Variants in EEF2K observed in about 807,000 individuals in gnomAD.
The protein encoded by EEF2K is alternative protein EEF2K.
Under a neutral mutation model 93.8 loss-of-function variants are expected in EEF2K, and 70 were observed. That is an observed-to-expected ratio of 0.75 (90% CI 0.62 to 0.91). The LOEUF is 0.91. EEF2K is among the 40% of genes least tolerant of loss of function. EEF2K has a pLI of 0.00. For synonymous variants in EEF2K, 376 were observed against 380.8 expected (o/e 0.99, Z 0.15); for missense variants, 935 against 972.9 (o/e 0.96, Z 0.52).
chr16:22,257,259 A>ATCC lies in EEF2K; in HGVS notation c.775_776insTCC (p.Ser259delinsIleArg). 6.2e-7 allele frequency: 1 copy of ATCC among 1,614,088 alleles called. No homozygotes were observed. ...TCCTTCCTGTCCCCTGTAGGCCTTC[A>ATCC]GCCACTTCACTTTTGAGCGTTCCGG... On this transcript the variant is annotated protein_altering_variant, in exon 8 of 18. Transcript: ENST00000263026.
chr16:22,270,558 C>T (rs76373973), intron 15 of EEF2K, among the ~76,000 whole-genome samples: 8 of 152,008 alleles, frequency 5.3e-5, no homozygotes, highest in East Asian at 3.9e-4. Flanking sequence ...GCCAGCTCCC[C>T]GATTCTTTTT....
rs1400965090 is a variant in EEF2K at position 22,251,289 on chromosome 16, G to A, written c.585G>A (p.Gly195=). The A allele has an allele frequency of 6.2e-7, 1 of 1,614,028 alleles. No individual in the cohort carries two copies. The highest frequency in any genetic ancestry group is 1.3e-5 in the African/African-American group (1 of 74,932). ...TACAGATGGAGGCCAAGCTCTGGGG[G>A]GAGGAGTATAATCGGCACAAGCCCC... The part of the protein sequence containing the change: ...VRLQMEAKLW[G]EEYNRHKPPK... Residue 195 remains glycine, a synonymous_variant, in exon 6 of 18, where the codon GGG becomes GGA. Transcript: ENST00000263026.
In EEF2K at chr16:22,286,552, TTGTAA is replaced by T. The variant is rs1300171161; in HGVS notation, c.*2562_*2566del. 6 of 152,332 alleles carry T rather than the reference TTGTAA, an allele frequency of 3.9e-5. No individual in the cohort carries two copies. The highest frequency in any genetic ancestry group is 1.4e-4 in the African/African-American group (6 of 41,570). 9.4% of individuals were successfully genotyped at this position (152,332 alleles called of 1,614,324 possible). A position where few individuals can be genotyped will look rare whatever the true frequency, so the allele number is the denominator to read the frequency against. ...CTGCTGCAAATGCTCAGCCCTGCTG[TTGTAA>T]TGTAAAAGCTGCCACAGACACTACA... On this transcript the variant is annotated 3_prime_UTR_variant, in exon 18 of 18. Transcript: ENST00000263026.
rs1432152103 is a variant in EEF2K at position 22,283,878 on chromosome 16, G to A, written c.2069-9G>A. The A allele has an allele frequency of 6.3e-7, 1 of 1,581,130 alleles. No homozygotes were observed. The highest frequency in any genetic ancestry group is 8.6e-7 in the Non-Finnish European group (1 of 1,163,518). ...TCACCTCTTTTTGCCCCCCTTTGCTGTCTTTCAGGGGACTTGTATACCCAG... is the reference window on the plus strand; with the variant it reads ...TCACCTCTTTTTGCCCCCCTTTGCTATCTTTCAGGGGACTTGTATACCCAG... On this transcript the variant is annotated splice_polypyrimidine_tract_variant and intron_variant, in intron 17 of 17. Coordinates refer to ENST00000263026, the MANE Select transcript of EEF2K (RefSeq NM_013302.5).
chr16:22,227,413 C>T (rs1045561508), intron 2 of EEF2K, among the ~76,000 whole-genome samples: 3 of 151,926 alleles, frequency 2.0e-5, no homozygotes, highest in Admixed American at 2.0e-4. Context: ...TCAGTAGAAA[C>T]AGTTGCACTG....
intron 1 of EEF2K, among the ~76,000 whole-genome samples, chr16:22,218,675 G>T (rs1175988264): frequency 7.9e-5 from 12 of 152,174 alleles, no homozygotes; most frequent in Non-Finnish European, 1.5e-5. Flanking sequence ...TGGGACCCAA[G>T]GCTCAGTCCC....
intron 2 of EEF2K, among the ~76,000 whole-genome samples, 182 bp from the exon 3 acceptor site, chr16:22,244,448 C>G (rs1444934298): frequency 6.6e-6 from 1 of 151,990 alleles, no homozygotes; most frequent in Admixed American, 6.6e-5. Context: ...GAGGCTGTGC[C>G]TGTGAGTGCA....
chr16:22,236,932 C>CTTTTTT (rs1567269193), intron 2 of EEF2K, among the ~76,000 whole-genome samples: 1 of 128,110 alleles, frequency 7.8e-6, no homozygotes, highest in Non-Finnish European at 1.6e-5. Context: ...ATCCACAGAC[C>CTTTTTT]TCTTTTTTTT....
At chr16:22,251,949 A>T (rs968693249) in intron 6 of EEF2K, among the ~76,000 whole-genome samples, 1 of 151,898 alleles carries the variant, frequency 6.6e-6, no homozygotes, top group African/African-American at 2.4e-5. Flanking sequence ...GTATGCCACC[A>T]TGCCTAGCTA....
chr16:22,220,122 A>C (rs2046996743), intron 1 of EEF2K, among the ~76,000 whole-genome samples: 1 of 152,242 alleles, frequency 6.6e-6, no homozygotes, highest in Non-Finnish European at 1.5e-5. Flanking sequence ...CAAGGAAGAA[A>C]GAGTGAACAG....
chr16:22,209,301 C>T (rs1487439816), intron 1 of EEF2K, among the ~76,000 whole-genome samples: 2 of 152,186 alleles, frequency 1.3e-5, no homozygotes, highest in East Asian at 1.9e-4. Flanking sequence ...GCTGGGATTA[C>T]AGGCATGAGC....
chr16:22,277,920 G>T lies in EEF2K; in HGVS notation c.1890-2278G>T, dbSNP rs78327956. Among the ~76,000 whole-genome samples the T allele has an allele frequency of 5.7e-3, 871 of 152,202 alleles. 8 individuals carry two copies. Among genetic ancestry groups the T allele is most frequent in the Non-Finnish European group, 6.2e-3 (423 of 68,012 alleles). The stretch of plus-strand genomic sequence containing the variant: ...CTGGCAGAAGAGAAGGAGAGGGAGA[G>T]CAGGTCAAGCACGGTGGCTTATGCC... On this transcript the variant is annotated intron_variant, in intron 16 of 17. Transcript: ENST00000263026.
At chr16:22,266,572 C>G (rs1257266485) in intron 14 of EEF2K, 48 bp downstream of exon 14, 3 of 1,606,980 alleles carry the variant, frequency 1.9e-6, no homozygotes, top group Non-Finnish European at 2.6e-6. Context: ...AACCTGGAGC[C>G]CCCCAGCTCC....
At chr16:22,257,860 T>G in intron 9 of EEF2K, 90 bp downstream of exon 9, 1 of 1,541,988 alleles carries the variant, frequency 6.5e-7, no homozygotes, top group Non-Finnish European at 8.7e-7. Flanking sequence ...GACAGCCAGG[T>G]CAAGCAGTGC....
chr16:22,228,710 G>C (rs1309847477), intron 2 of EEF2K, among the ~76,000 whole-genome samples: 1 of 152,180 alleles, frequency 6.6e-6, no homozygotes, highest in Non-Finnish European at 1.5e-5. Context: ...TGACAATTCT[G>C]AGAAAACATA....
At position 22,287,898 on chromosome 16, in the gene EEF2K, T is replaced by A. The variant is rs2047766030; in HGVS notation, c.*3902T>A. The A allele has an allele frequency of 6.6e-6, 1 of 152,100 alleles. No individual in the cohort carries two copies. Among genetic ancestry groups the A allele is most frequent in the African/African-American group, 2.4e-5 (1 of 41,400 alleles). The allele number at this position is 152,100 out of a possible 1,614,324, so 9.4% of individuals were successfully genotyped here. On this transcript the variant is annotated 3_prime_UTR_variant, in exon 18 of 18. Coordinates refer to ENST00000263026, the MANE Select transcript of EEF2K (RefSeq NM_013302.5). ...GTGCAGTGGCATGATCATAACTCAT[T>A]GTAGGCTCAACCTCCTGGGCCCCAG...
chr16:22,225,133 G>A (rs2047050430), intron 1 of EEF2K, among the ~76,000 whole-genome samples: 1 of 152,116 alleles, frequency 6.6e-6, no homozygotes, highest in Non-Finnish European at 1.5e-5. Flanking sequence ...TAGAAAGGTT[G>A]TTCCAGGCAC....
At chr16:22,207,887 T>C (rs1440489672) in intron 1 of EEF2K, among the ~76,000 whole-genome samples, 1 of 152,120 alleles carries the variant, frequency 6.6e-6, no homozygotes, top group Non-Finnish European at 1.5e-5. Flanking sequence ...AGGCTTCCTG[T>C]AGCAAGTGCT....
chr16:22,224,686 C>T (rs1742226199), intron 1 of EEF2K, among the ~76,000 whole-genome samples: 1 of 144,080 alleles, frequency 6.9e-6, no homozygotes, highest in African/African-American at 2.6e-5. Context: ...GATGTGGTGG[C>T]TCACGCCTGT....
Sources: allele counts gnomAD v4.1 joint callset (sites outside exome capture counted in the v4.1 genomes callset), GRCh38; gene constraint gnomAD v4.1.1; transcripts MANE v1.5; gene names NCBI Gene and HGNC (gene_info 2026-07-23, HGNC 2026-07-21).